Variants in EPHA10 observed in about 807,000 individuals in gnomAD.
The protein encoded by EPHA10 is ephrin type-A receptor 10.
Under a neutral mutation model 109.7 loss-of-function variants are expected in EPHA10, and 120 were observed. The observed-to-expected ratio is 1.09, with a 90% confidence interval of 0.94 to 1.27. EPHA10 has a LOEUF of 1.27. Among genes scored for constraint, EPHA10 ranks in the 50% most tolerant of loss-of-function variants. EPHA10 has a pLI of 0.00. For missense variants in EPHA10, 1,396 were observed against 1,411.1 expected, an observed-to-expected ratio of 0.99 and a Z score of 0.17; for synonymous variants, 640 against 618.9, an observed-to-expected ratio of 1.03 and a Z score of -0.51.
chr1:37,761,827 C>T lies in EPHA10; in HGVS notation c.428G>A (p.Arg143His), dbSNP rs1285265207. The change falls in exon 3 of 17, where the codon CGC becomes CAC. Residue 143 changes from arginine (R) to histidine (H), a missense_variant. Physicochemically the swap from Arg to His is conservative, Grantham distance 29. Coordinates refer to ENST00000373048, the MANE Select transcript of EPHA10 (RefSeq NM_001099439.2). ...TEADLGRGRP[R>H]LGGSRPRKID... The stretch of plus-strand genomic sequence containing the variant: ...TTTGCGGGGCCGGCTGCCGCCTAGG[C>T]GGGGACGCCCACGGCCCAGGTCGGC... 2 of 1,613,420 alleles carry T rather than the reference C, an allele frequency of 1.2e-6. No individual in the cohort carries two copies. The highest frequency in any genetic ancestry group is 1.1e-5 in the South Asian group (1 of 90,988).
Position 37,764,485 on chromosome 1 carries a change from G to T in EPHA10, c.106+476C>A, listed in dbSNP as rs1437135529. Among the ~76,000 whole-genome samples the T allele has an allele frequency of 1.3e-5, 2 of 152,234 alleles. No individual in the cohort carries two copies. The highest frequency in any genetic ancestry group is 2.9e-5 in the Non-Finnish European group (2 of 68,046). On this transcript the variant is annotated intron_variant, in intron 1 of 16. Transcript: ENST00000373048. This position sits in a 1 kb window ranked among gnomAD's most constrained non-coding sequence, Gnocchi z 5.8. The stretch of plus-strand genomic sequence containing the variant: ...AGCACTGCGGACAGTTCCATGATCA[G>T]CACGTCGGGCAGCGCCCGGATCCAG...
Position 37,754,431 on chromosome 1 carries a change from G to T in EPHA10, c.851-61C>A. On this transcript the variant is annotated intron_variant, in intron 3 of 16. Transcript: ENST00000373048. The surrounding 1 kb of genome is among the most constrained non-coding windows in gnomAD (Gnocchi z 4.5). ...CCAGTTTCTCCCCGCTTTCCTGACTGGCCTGGTTAGGGCAGCGTTTATCTC... is the reference window on the plus strand; with the variant it reads ...CCAGTTTCTCCCCGCTTTCCTGACTTGCCTGGTTAGGGCAGCGTTTATCTC... 1 of 1,257,980 alleles carries T rather than the reference G, an allele frequency of 7.9e-7. No individual in the cohort carries two copies. Among genetic ancestry groups the T allele is most frequent in the South Asian group, 3.2e-5 (1 of 31,418 alleles). The allele number at this position is 1,257,980 out of a possible 1,614,324, so 77.9% of individuals were successfully genotyped here.
intron 6 of EPHA10, 66 bp from the exon 7 acceptor site, chr1:37,731,648 GA>G (rs1422269050): frequency 1.8e-5 from 26 of 1,475,420 alleles, no homozygotes; most frequent in Non-Finnish European, 2.3e-5. Flanking sequence ...AACAAAGGGT[GA>G]ACAGGAACAG....
intron 6 of EPHA10, chr1:37,734,431 G>A: frequency 3.0e-6 from 1 of 333,678 alleles, no homozygotes. Flanking sequence ...CTACTTGGGA[G>A]GCTGAAGCAG....
rs200762432 is a variant in EPHA10 at position 37,718,650 on chromosome 1, C to T, written c.2912+11G>A. ...CCAGCCCCGGCCTTGACCTTGGTGC[C>T]TTGGACTCACTGGGCAGTCATCTCG... On this transcript the variant is annotated intron_variant, in intron 16 of 16. Coordinates refer to ENST00000373048, the MANE Select transcript of EPHA10 (RefSeq NM_001099439.2). 1.4e-5 allele frequency: 22 copies of T among 1,613,178 alleles called. No individual in the cohort carries two copies. In the African/African-American group the frequency reaches 2.8e-4, roughly 21 times the overall value.
At chr1:37,748,918 C>CTT (rs55656984) in intron 5 of EPHA10, among the ~76,000 whole-genome samples, 27,622 of 94,940 alleles carry the variant, frequency 0.29, 3,983 homozygotes, top group East Asian at 0.36. Context: ...TTCTTTTCAT[C>CTT]TTTTTTTTTT....
intron 3 of EPHA10, chr1:37,761,097 A>AAC (rs1646425850): frequency 1.7e-6 from 2 of 1,169,644 alleles, no homozygotes; most frequent in Non-Finnish European, 2.1e-6. Flanking sequence ...TTTAAAAAAA[A>AAC]AAAAAAACAA....
At chr1:37,715,475 T>C (rs1053094167), downstream of EPHA10, among the ~76,000 whole-genome samples, 2 of 152,102 alleles carry the variant, frequency 1.3e-5, no homozygotes, top group Non-Finnish European at 2.9e-5. Context: ...GGTGACCTCC[T>C]TCTCATCCTG....
At position 37,719,986 on chromosome 1, in the gene EPHA10, C is replaced by A; in HGVS notation, c.2485G>T (p.Val829Leu). 6.2e-7 allele frequency: 1 copy of A among 1,614,102 alleles called. No homozygotes were observed. The highest frequency in any genetic ancestry group is 1.1e-5 in the South Asian group (1 of 91,086). Residue 829 changes from valine (V) to leucine (L), a missense_variant, in exon 14 of 17, where the codon GTG (valine) becomes TTG (leucine). Transcript: ENST00000373048. ...QFGHFSSASD[V>L]WSFGIIMWEV... ...CACATGATGATGCCGAAGCTCCACACGTCACTGGCAGAGCTGAAGTGGCCA... is the reference window on the plus strand; with the variant it reads ...CACATGATGATGCCGAAGCTCCACAAGTCACTGGCAGAGCTGAAGTGGCCA...
intron 3 of EPHA10, among the ~76,000 whole-genome samples, chr1:37,755,214 C>G (rs562282840): frequency 7.9e-5 from 12 of 152,252 alleles, no homozygotes; most frequent in African/African-American, 2.6e-4. Context: ...ACCCTCAGGA[C>G]CACTGGAAGA....
chr1:37,745,628 C>T (rs1222752902), intron 5 of EPHA10, among the ~76,000 whole-genome samples: 2 of 152,146 alleles, frequency 1.3e-5, no homozygotes, highest in Non-Finnish European at 2.9e-5. Flanking sequence ...GTAGGTGGAT[C>T]ACCTGAGGCC....
At chr1:37,734,859 C>T (rs1304093057) in intron 6 of EPHA10, among the ~76,000 whole-genome samples, 1 of 152,208 alleles carries the variant, frequency 6.6e-6, no homozygotes, top group African/African-American at 2.4e-5. Flanking sequence ...CCACCACACC[C>T]AGCAATGTGC....
intron 11 of EPHA10, among the ~76,000 whole-genome samples, chr1:37,721,185 C>T (rs1412646352): frequency 2.0e-5 from 3 of 150,318 alleles, no homozygotes; most frequent in Non-Finnish European, 4.4e-5. Context: ...TTTGGGAGGC[C>T]GAGGCAGGTG....
rs1263779716 is a variant in EPHA10 at position 37,718,122 on chromosome 1, T to G, written c.*250A>C. ...GACCCCGAATTTCCTCCTGCTGTTA[T>G]CTCAGGGGTCCTCCCTAGGGATTTG... On this transcript the variant is annotated 3_prime_UTR_variant, in exon 17 of 17. Coordinates refer to ENST00000373048, the MANE Select transcript of EPHA10 (RefSeq NM_001099439.2). 2.0e-6 allele frequency: 1 copy of G among 500,510 alleles called. No individual in the cohort carries two copies. Among genetic ancestry groups the G allele is most frequent in the Admixed American group, 3.7e-5 (1 of 26,726 alleles). The allele number at this position is 500,510 out of a possible 1,614,324, so 31.0% of individuals were successfully genotyped here. A position where few individuals can be genotyped will look rare whatever the true frequency, so the allele number is the denominator to read the frequency against.
intron 5 of EPHA10, among the ~76,000 whole-genome samples, chr1:37,748,015 T>G (rs553465): frequency 0.34 from 51,660 of 151,992 alleles, 8,823 homozygotes; most frequent in Middle Eastern, 0.46. Context: ...AAATATTTTC[T>G]AGGAAAGCAC....
At position 37,721,808 on chromosome 1, in the gene EPHA10, G is replaced by A; in HGVS notation, c.1998C>T (p.Leu666=). ...CTACGAGCAGCTCCTGGCGACCGGG[G>A]AGCTGCAAGCAGCCACAGCACAGCT... is the stretch of plus-strand genomic sequence containing the variant. ...FGELCCGCLQ[L]PGRQELLVAV... The change falls in exon 11 of 17, where the codon CTC becomes CTT. Residue 666 remains leucine, a synonymous_variant. Transcript: ENST00000373048. 2 of 1,608,384 alleles carry A rather than the reference G, an allele frequency of 1.2e-6. No individual in the cohort carries two copies. The highest frequency in any genetic ancestry group is 2.2e-5 in the East Asian group (1 of 44,730).
chr1:37,718,470 C>T lies in EPHA10; in HGVS notation c.2929G>A (p.Gly977Ser). 2 of 1,613,470 alleles carry T rather than the reference C, an allele frequency of 1.2e-6. No homozygotes were observed. Among genetic ancestry groups the T allele is most frequent in the Non-Finnish European group, 1.7e-6 (2 of 1,180,016 alleles). ...TCTCGATGTTCAGCCAAAGAGATGC[C>T]TAGGCTCACCAGGTCCCTGAAACAA... ...EMTAQDLVSLGISLAEHREAL... is the reference protein window; with the variant it reads ...EMTAQDLVSLSISLAEHREAL... The change falls in exon 17 of 17, where the codon GGC becomes AGC. Residue 977 changes from glycine (G) to serine (S), a missense_variant. Transcript: ENST00000373048.
intron 8 of EPHA10, among the ~76,000 whole-genome samples, chr1:37,725,336 C>T (rs971114563): frequency 6.6e-6 from 1 of 151,858 alleles, no homozygotes; most frequent in African/African-American, 2.4e-5. Context: ...AAAACCCCGT[C>T]TCTACTAAAA....
At chr1:37,732,955 A>C (rs1352264928) in intron 6 of EPHA10, among the ~76,000 whole-genome samples, 1 of 121,176 alleles carries the variant, frequency 8.3e-6, no homozygotes, top group Admixed American at 1.2e-4. Flanking sequence ...AGTGTGGTGC[A>C]ATCTCGGCTC....
Sources: allele counts gnomAD v4.1 joint callset (sites outside exome capture counted in the v4.1 genomes callset), GRCh38; gene constraint gnomAD v4.1.1; non-coding constraint Gnocchi (gnomAD v3.1); transcripts MANE v1.5; gene names NCBI Gene and HGNC (gene_info 2026-07-23, HGNC 2026-07-21).